The following ADGRL2 variants were observed in gnomAD, a reference collection of about 807,000 sequenced individuals.
ADGRL2 encodes the protein adhesion G protein-coupled receptor L2.
ADGRL2 carries 44 observed loss-of-function variants against 157.4 expected under a neutral mutation model. The ratio of observed to expected loss-of-function variants is 0.28; its 90% confidence interval spans 0.22 to 0.36. The LOEUF (loss-of-function observed/expected upper bound fraction) is 0.36, where lower values mean the gene tolerates loss of function less well. Ranked by LOEUF, ADGRL2 falls within the 10% of genes least tolerant of loss-of-function variation. ADGRL2 has a pLI of 1.00. For missense variants in ADGRL2, 1,510 were observed against 1,768.9 expected, an observed-to-expected ratio of 0.85 and a Z score of 2.63; for synonymous variants, 585 against 624.7, an observed-to-expected ratio of 0.94 and a Z score of 0.95.
intron 3 of ADGRL2, among the ~76,000 whole-genome samples, chr1:81,581,785 T>C (rs2080915290): frequency 6.6e-6 from 1 of 152,014 alleles, no homozygotes; most frequent in African/African-American, 2.4e-5. Flanking sequence ...CCAAATTGCC[T>C]ACAAATATTG....
chr1:81,913,254 G>A lies in ADGRL2; in HGVS notation c.287+6024G>A, dbSNP rs567074154. The stretch of plus-strand genomic sequence containing the variant: ...ACACTTTATTTTACTTTTTAAACTT[G>A]AGAGCATATGGAGTGGTGAGAACTT... On this transcript the variant is annotated intron_variant, in intron 3 of 23. Coordinates refer to ENST00000686636, the MANE Select transcript of ADGRL2 (RefSeq NM_001366006.2). Among the ~76,000 whole-genome samples, 379 of 152,124 alleles carry A rather than the reference G, an allele frequency of 2.5e-3. 4 individuals carry two copies. Among genetic ancestry groups the A allele is most frequent in the Non-Finnish European group, 2.1e-3 (141 of 68,000 alleles).
chr1:81,847,862 T>A (rs2092851684), intron 2 of ADGRL2, among the ~76,000 whole-genome samples: 1 of 151,942 alleles, frequency 6.6e-6, no homozygotes, highest in Non-Finnish European at 1.5e-5. Context: ...AAAGTTTATT[T>A]TTATTATACT....
chr1:81,912,159 C>T (rs2148431304), intron 3 of ADGRL2, among the ~76,000 whole-genome samples: 1 of 151,998 alleles, frequency 6.6e-6, no homozygotes, highest in African/African-American at 2.4e-5. Context: ...GGAGCCTCTG[C>T]CTCCTGGGTT....
At chr1:81,954,960 A>G (rs1653010891) in intron 10 of ADGRL2, among the ~76,000 whole-genome samples, 1 of 152,208 alleles carries the variant, frequency 6.6e-6, no homozygotes, top group South Asian at 2.1e-4. Flanking sequence ...TGACTGGGTG[A>G]ATGGAATAGA....
At chr1:81,838,699 C>T (rs3790952) in intron 2 of ADGRL2, among the ~76,000 whole-genome samples, 21,323 of 151,988 alleles carry the variant, frequency 0.14, 1,662 homozygotes, top group East Asian at 0.2. Context: ...GAAAAAATTT[C>T]TAATCAAGTT....
chr1:81,612,285 A>C (rs1406051970), intron 3 of ADGRL2, among the ~76,000 whole-genome samples: 1 of 152,160 alleles, frequency 6.6e-6, no homozygotes, highest in African/African-American at 2.4e-5. Context: ...CCAGTAGCAC[A>C]ACTAGATTGA....
chr1:81,593,064 T>C (rs574717603), intron 3 of ADGRL2, among the ~76,000 whole-genome samples: 5 of 152,320 alleles, frequency 3.3e-5, no homozygotes, highest in African/African-American at 1.2e-4. Flanking sequence ...AGTATATTAA[T>C]AATGCCAAAA....
At chr1:81,894,671 A>G (rs1274107657) in intron 2 of ADGRL2, among the ~76,000 whole-genome samples, 1 of 152,186 alleles carries the variant, frequency 6.6e-6, no homozygotes, top group Non-Finnish European at 1.5e-5. Flanking sequence ...GAAATTAAAA[A>G]AAAACTTTGA....
At chr1:81,506,714 GAACAAAACAAAACAA>G (rs201035324) in intron 2 of ADGRL2, among the ~76,000 whole-genome samples, 30 of 140,210 alleles carry the variant, frequency 2.1e-4, no homozygotes, top group South Asian at 4.6e-4. Context: ...AGTCTCAAAA[GAACAAAACAAAACAA>G]AACAAAACAA....
chr1:81,511,626 C>T (rs1021260478), intron 2 of ADGRL2, among the ~76,000 whole-genome samples: 8 of 151,932 alleles, frequency 5.3e-5, no homozygotes, highest in Non-Finnish European at 1.5e-5. Flanking sequence ...AATTAGTAAT[C>T]TCACTTTTTT....
chr1:81,823,370 C>A (rs1294368652), intron 1 of ADGRL2, among the ~76,000 whole-genome samples: 7 of 99,308 alleles, frequency 7.0e-5, no homozygotes, highest in Non-Finnish European at 4.3e-5. Flanking sequence ...TTCCTTCCCT[C>A]CCCCCTCCCT....
chr1:81,969,452 CAT>C, intron 15 of ADGRL2, 65 bp downstream of exon 15: 5 of 1,022,480 alleles, frequency 4.9e-6, no homozygotes, highest in Non-Finnish European at 7.6e-6. Flanking sequence ...TGTGAGGTGA[CAT>C]ATGATACTGA....
intron 2 of ADGRL2, among the ~76,000 whole-genome samples, chr1:81,533,283 G>A (rs1016250306): frequency 6.6e-6 from 1 of 152,166 alleles, no homozygotes; most frequent in African/African-American, 2.4e-5. Context: ...GGAGGCTGAG[G>A]CAAGAGACTC....
intron 1 of ADGRL2, among the ~76,000 whole-genome samples, chr1:81,338,943 C>T (rs1661853087): frequency 6.6e-6 from 1 of 152,188 alleles, no homozygotes; most frequent in Admixed American, 6.5e-5. Flanking sequence ...ATTCTCTTAT[C>T]TCATTACACT....
At chr1:81,689,233 G>A (rs528114223) in intron 3 of ADGRL2, among the ~76,000 whole-genome samples, 75 of 152,282 alleles carry the variant, frequency 4.9e-4, no homozygotes, top group Admixed American at 1.4e-3. Flanking sequence ...TAAGTTGGCC[G>A]AGATTCTTTC....
rs1388913257 is a variant in ADGRL2, at chr1:81,634,811, C to T, written c.-143+53831C>T. On this transcript the variant is annotated intron_variant, in intron 3 of 24. Transcript: ENST00000370721. Reference sequence around the variant, plus strand: ...TGCTGGGATTACAAGCATGAGCCGTCGCGCCTGGCCTATGTTAGCTTTCAG... The same window carrying T: ...TGCTGGGATTACAAGCATGAGCCGTTGCGCCTGGCCTATGTTAGCTTTCAG... 5.3e-5 allele frequency among the ~76,000 whole-genome samples: 8 copies of T among 152,188 alleles called. No homozygotes were observed. The South Asian group carries it at 8.3e-4, about 16-fold the overall frequency.
At position 81,553,772 on chromosome 1, in the gene ADGRL2, G is replaced by A. The variant is rs796462963; in HGVS notation, c.-247-27104G>A. On this transcript the variant is annotated intron_variant, in intron 2 of 24. Transcript: ENST00000370721. ...ATCATTAAACTTTACTGTTATTACA[G>A]TGGACTCTTCCTCAAAGTTCAGTAA... 1.1e-4 allele frequency among the ~76,000 whole-genome samples: 17 copies of A among 152,308 alleles called. 1 individual carries two copies. The highest frequency in any genetic ancestry group is 3.8e-4 in the African/African-American group (16 of 41,578).
chr1:81,659,094 C>T (rs1249150807), intron 3 of ADGRL2, among the ~76,000 whole-genome samples: 5 of 112,494 alleles, frequency 4.4e-5, no homozygotes, highest in African/African-American at 1.8e-4. Context: ...CAGAGTCTCG[C>T]TCTGTCATCC....
At chr1:81,971,201 G>C (rs193233012) in intron 16 of ADGRL2, among the ~76,000 whole-genome samples, 1 of 152,080 alleles carries the variant, frequency 6.6e-6, no homozygotes, top group African/African-American at 2.4e-5. Context: ...CTTTTTGACT[G>C]TACAGATGAT....
Sources: allele counts gnomAD v4.1 joint callset (sites outside exome capture counted in the v4.1 genomes callset), GRCh38; gene constraint gnomAD v4.1.1; transcripts MANE v1.5; gene names NCBI Gene and HGNC (gene_info 2026-07-23, HGNC 2026-07-21).